LRRTM4: variants seen among roughly 807,000 people sequenced by gnomAD.
LRRTM4 encodes leucine rich repeat transmembrane neuronal 4, also known as leucine-rich repeat transmembrane neuronal protein 4.
A neutral mutation model predicts 47.6 loss-of-function variants in LRRTM4; 25 were observed. The observed-to-expected ratio is 0.53, with a 90% CI of 0.38 to 0.73. LRRTM4 has a LOEUF of 0.73. LRRTM4 is among the 30% of genes least tolerant of loss of function. The pLI, the probability that LRRTM4 is intolerant of heterozygous loss-of-function variation, is 0.00. For synonymous variants in LRRTM4, 311 were observed against 269.5 expected, an observed-to-expected ratio of 1.15 and a Z score of -1.51; for missense variants, 638 against 713.4, an observed-to-expected ratio of 0.89 and a Z score of 1.20.
At position 77,260,656 on chromosome 2, in the gene LRRTM4, A is replaced by G. The variant is rs182677719; in HGVS notation, c.1551+257662T>C. Among the ~76,000 whole-genome samples the G allele has an allele frequency of 2.2e-3, 332 of 152,178 alleles. 1 individual carries two copies. The highest frequency in any genetic ancestry group is 6.8e-3 in the African/African-American group (283 of 41,536). Reference sequence around the variant, plus strand: ...GCACCAGCATGCAACAGCTAATTCAACTAAATTCAAAGGCACACATGCAAT... The same window carrying G: ...GCACCAGCATGCAACAGCTAATTCAGCTAAATTCAAAGGCACACATGCAAT... On this transcript the variant is annotated intron_variant, in intron 3 of 3. Transcript: ENST00000409884.
intron 3 of LRRTM4, among the ~76,000 whole-genome samples, chr2:76,912,223 T>C (rs1272305801): frequency 6.6e-6 from 1 of 152,160 alleles, no homozygotes; most frequent in Non-Finnish European, 1.5e-5. Context: ...CTGGCCGATA[T>C]GTGCTTTTTA....
chr2:76,816,435 AAAT>A (rs1670897477), intron 3 of LRRTM4, among the ~76,000 whole-genome samples: 1 of 152,106 alleles, frequency 6.6e-6, no homozygotes, highest in Non-Finnish European at 1.5e-5. Flanking sequence ...TAGAAGAAGA[AAAT>A]AATAGTCATG....
chr2:77,054,761 A>G (rs771769539), intron 3 of LRRTM4, among the ~76,000 whole-genome samples: 1 of 152,210 alleles, frequency 6.6e-6, no homozygotes, highest in Non-Finnish European at 1.5e-5. Flanking sequence ...TCTGTTTTTA[A>G]AAGTAGAAAC....
intron 3 of LRRTM4, among the ~76,000 whole-genome samples, chr2:76,824,935 C>T (rs1399375978): frequency 6.6e-6 from 1 of 151,594 alleles, no homozygotes; most frequent in Non-Finnish European, 1.5e-5. Flanking sequence ...CATCAAATGA[C>T]ACTTCAAATG....
rs138598411 is a variant in LRRTM4 at position 76,770,150 on chromosome 2, G to A, written c.1552-21234C>T. On this transcript the variant is annotated intron_variant, in intron 3 of 3. Coordinates refer to ENST00000409884, the MANE Select transcript of LRRTM4 (RefSeq NM_001134745.3). ...AGGGAAATGTAAGTTTCAAAAAGGG[G>A]CTTAGATGGAAAATGGACTTTTTTC... Among the ~76,000 whole-genome samples the A allele has an allele frequency of 3.9e-3, 588 of 152,232 alleles. 10 individuals are homozygous for A. The South Asian group carries it at 0.05, about 13-fold the overall frequency.
chr2:77,303,221 A>AT, intron 3 of LRRTM4, among the ~76,000 whole-genome samples: 1 of 152,064 alleles, frequency 6.6e-6, no homozygotes, highest in Non-Finnish European at 1.5e-5. Flanking sequence ...AGATCGTGCC[A>AT]TTGCACTCCA....
chr2:76,979,305 T>C (rs1010354570), intron 3 of LRRTM4, among the ~76,000 whole-genome samples: 1 of 151,972 alleles, frequency 6.6e-6, no homozygotes, highest in Admixed American at 6.6e-5. Flanking sequence ...CACTTCTGCC[T>C]GCAGATTGTT....
At chr2:76,957,330 G>T (rs1675707571) in intron 3 of LRRTM4, among the ~76,000 whole-genome samples, 1 of 151,594 alleles carries the variant, frequency 6.6e-6, no homozygotes, top group African/African-American at 2.4e-5. Context: ...TTAGAGATAT[G>T]CTCTACAACA....
intron 3 of LRRTM4, among the ~76,000 whole-genome samples, chr2:77,128,170 T>G (rs1461506734): frequency 1.3e-5 from 2 of 151,420 alleles, no homozygotes; most frequent in African/African-American, 4.9e-5. Context: ...AAAACAAATG[T>G]TTTTAAGCCT....
chr2:77,217,440 A>AATATATATATATATATATATATATATAT (rs34070418), intron 3 of LRRTM4, among the ~76,000 whole-genome samples: 1 of 76,818 alleles, frequency 1.3e-5, no homozygotes, highest in Non-Finnish European at 2.2e-5. Context: ...CTCCAAATGA[A>AATATATATATATATATATATATATATAT]ATATATATAT....
At chr2:77,377,700 A>G (rs1672889249) in intron 3 of LRRTM4, among the ~76,000 whole-genome samples, 1 of 152,070 alleles carries the variant, frequency 6.6e-6, no homozygotes, top group African/African-American at 2.4e-5. Flanking sequence ...ACTGAATATT[A>G]TAAAATCCTT....
chr2:77,455,089 G>GAAATCCA (rs1676472894), intron 3 of LRRTM4, among the ~76,000 whole-genome samples: 1 of 152,110 alleles, frequency 6.6e-6, no homozygotes, highest in South Asian at 2.1e-4. Flanking sequence ...TCAGGAGGCT[G>GAAATCCA]AGACAGGAGA....
At chr2:76,814,836 A>G (rs1348972928) in intron 3 of LRRTM4, among the ~76,000 whole-genome samples, 1 of 151,014 alleles carries the variant, frequency 6.6e-6, no homozygotes, top group Non-Finnish European at 1.5e-5. Flanking sequence ...CACACACACA[A>G]AAGCATACCC....
At chr2:77,341,936 G>A (rs186426650) in intron 3 of LRRTM4, among the ~76,000 whole-genome samples, 4 of 152,024 alleles carry the variant, frequency 2.6e-5, no homozygotes, top group African/African-American at 9.6e-5. Flanking sequence ...ATATACAAAG[G>A]CATTGGGATC....
chr2:77,229,319 C>A (rs1674900732), intron 3 of LRRTM4, among the ~76,000 whole-genome samples: 1 of 152,018 alleles, frequency 6.6e-6, no homozygotes, highest in Admixed American at 6.6e-5. Context: ...GTATTTCCAG[C>A]CCCAAACTCT....
At chr2:77,133,663 G>A (rs1333980722) in intron 3 of LRRTM4, among the ~76,000 whole-genome samples, 1 of 152,074 alleles carries the variant, frequency 6.6e-6, no homozygotes, top group Non-Finnish European at 1.5e-5. Flanking sequence ...TTTCGATGTT[G>A]GATGAAATAA....
intron 3 of LRRTM4, among the ~76,000 whole-genome samples, chr2:77,242,148 A>G (rs1454405999): frequency 6.6e-6 from 1 of 152,184 alleles, no homozygotes; most frequent in African/African-American, 2.4e-5. Flanking sequence ...TATAAATTTT[A>G]TGATGAATCT....
chr2:76,788,247 T>G (rs1330893526), intron 3 of LRRTM4, among the ~76,000 whole-genome samples: 1 of 152,158 alleles, frequency 6.6e-6, no homozygotes, highest in East Asian at 1.9e-4. Context: ...AGAACAGCAA[T>G]TGACTATGCC....
At chr2:77,325,168 G>C (rs764700020) in intron 3 of LRRTM4, among the ~76,000 whole-genome samples, 3 of 151,938 alleles carry the variant, frequency 2.0e-5, no homozygotes, top group Non-Finnish European at 4.4e-5. Flanking sequence ...TAATGAAATC[G>C]CCAAAGGACT....
Sources: gnomAD v4.1 joint callset for allele counts (sites outside exome capture counted in the v4.1 genomes callset) on GRCh38, gnomAD v4.1.1 for gene constraint, MANE v1.5 for transcripts, NCBI Gene and HGNC (gene_info 2026-07-23, HGNC 2026-07-21) for gene names.